The following MTFR1 variants were observed in gnomAD, a reference collection of about 807,000 sequenced individuals.
The protein encoded by MTFR1 is mitochondrial fission regulator 1.
MTFR1 carries 28 observed loss-of-function variants against 38.8 expected under a neutral mutation model. The ratio of observed to expected loss-of-function variants is 0.72; its 90% CI spans 0.53 to 0.99. The LOEUF is 0.99. Among genes scored for constraint, MTFR1 ranks in the 50% least tolerant of loss-of-function variants. The probability of loss-of-function intolerance (pLI) is 0.00; values close to 1 mark genes in which losing one functional copy is unlikely to be tolerated. For synonymous variants in MTFR1, 145 were observed against 137.0 expected, an observed-to-expected ratio of 1.06 and a Z score of -0.41; for missense variants, 358 against 395.5, an observed-to-expected ratio of 0.91 and a Z score of 0.81.
intron 3 of MTFR1, chr8:65,765,467 C>T (rs1359588072): frequency 1.9e-5 from 2 of 103,990 alleles, no homozygotes; most frequent in African/African-American, 7.7e-5. Flanking sequence ...CCAGCCTGGG[C>T]GACAGAGCGA....
At chr8:65,734,766 T>C in intron 3 of MTFR1, 1 of 1,252,374 alleles carries the variant, frequency 8.0e-7, no homozygotes, top group Non-Finnish European at 1.2e-6. Context: ...CTTATGATTT[T>C]CACCTGAAAT....
At chr8:65,742,028 T>A (rs1807459733) in intron 3 of MTFR1, among the ~76,000 whole-genome samples, 1 of 152,202 alleles carries the variant, frequency 6.6e-6, no homozygotes, top group South Asian at 2.1e-4. Context: ...AACTGAGGAT[T>A]ATAATACCAG....
intron 1 of MTFR1, among the ~76,000 whole-genome samples, chr8:65,650,627 A>C (rs1229472037): frequency 2.6e-5 from 4 of 152,204 alleles, no homozygotes; most frequent in African/African-American, 9.7e-5. Flanking sequence ...AAATGACAGG[A>C]TCCCATTCTT....
chr8:65,653,467 G>A (rs188171266), intron 1 of MTFR1, among the ~76,000 whole-genome samples: 164 of 152,200 alleles, frequency 1.1e-3, no homozygotes, highest in African/African-American at 3.1e-3. Context: ...AGCTGTTATC[G>A]TGCCACTGCA....
chr8:65,754,617 GAGCC>G (rs1209186917), intron 3 of MTFR1, among the ~76,000 whole-genome samples: 1 of 150,782 alleles, frequency 6.6e-6, no homozygotes, highest in Admixed American at 6.6e-5. Flanking sequence ...ATTACAGGCT[GAGCC>G]ACCATGCCCA....
At chr8:65,700,117 G>A (rs71529180) in intron 4 of MTFR1, among the ~76,000 whole-genome samples, 1 of 151,872 alleles carries the variant, frequency 6.6e-6, no homozygotes, top group Admixed American at 6.6e-5. Flanking sequence ...TTGGGAGGTC[G>A]AGGTGGGTGG....
intron 4 of MTFR1, among the ~76,000 whole-genome samples, chr8:65,696,000 T>C (rs1238802516): frequency 1.3e-5 from 2 of 151,996 alleles, no homozygotes; most frequent in Non-Finnish European, 2.9e-5. Context: ...GGAGAAGACC[T>C]GGTAGAGGGT....
chr8:65,734,875 G>C, intron 3 of MTFR1: 1 of 1,609,248 alleles, frequency 6.2e-7, no homozygotes, highest in Non-Finnish European at 8.5e-7. Flanking sequence ...TTTGACTGTG[G>C]TAATCTTCTT....
chr8:65,693,217 A>G (rs1475418725), intron 3 of MTFR1, among the ~76,000 whole-genome samples: 3 of 152,116 alleles, frequency 2.0e-5, no homozygotes, highest in South Asian at 2.1e-4. Context: ...CCTGGTCAAC[A>G]TGGTGAAACC....
intron 3 of MTFR1, among the ~76,000 whole-genome samples, chr8:65,726,190 A>G (rs1806600307): frequency 6.6e-6 from 1 of 152,156 alleles, no homozygotes; most frequent in Non-Finnish European, 1.5e-5. Context: ...GCTGACGTGC[A>G]TTTTCCCTCA....
At chr8:65,713,867 T>C (rs1806028165), downstream of MTFR1, among the ~76,000 whole-genome samples, 1 of 151,986 alleles carries the variant, frequency 6.6e-6, no homozygotes, top group Admixed American at 6.6e-5. Context: ...TATTTTTTTT[T>C]AGTAGAGATG....
At chr8:65,657,453 A>G (rs1453462849) in intron 1 of MTFR1, among the ~76,000 whole-genome samples, 1 of 152,092 alleles carries the variant, frequency 6.6e-6, no homozygotes, top group Non-Finnish European at 1.5e-5. Context: ...GGCTCATGCC[A>G]ATGTTTTGGG....
chr8:65,682,351 A>G lies in MTFR1; in HGVS notation c.67-2A>G. ...AGCTTTCGGTTTTTCCTACTTCCTCAGGTACTTTGGTCTAGGAAGCCATAT... is the reference window on the plus strand; with the variant it reads ...AGCTTTCGGTTTTTCCTACTTCCTCGGGTACTTTGGTCTAGGAAGCCATAT... On this transcript the variant is annotated splice_acceptor_variant, in intron 2 of 7. Transcript: ENST00000262146. LOFTEE classifies it high-confidence loss of function. 7 of 1,526,218 alleles carry G rather than the reference A, an allele frequency of 4.6e-6. No homozygotes were observed. Among genetic ancestry groups the G allele is most frequent in the East Asian group, 2.4e-5 (1 of 41,636 alleles). 94.5% of individuals were successfully genotyped at this position (1,526,218 alleles called of 1,614,324 possible).
intron 3 of MTFR1, among the ~76,000 whole-genome samples, chr8:65,755,166 G>A (rs1198397654): frequency 1.3e-5 from 2 of 149,672 alleles, no homozygotes; most frequent in Admixed American, 1.3e-4. Context: ...GACTATAGGT[G>A]CATGCCACCA....
downstream of MTFR1, among the ~76,000 whole-genome samples, chr8:65,712,763 CTG>C (rs910904527): frequency 2.0e-5 from 3 of 152,194 alleles, no homozygotes; most frequent in Admixed American, 6.5e-5. Context: ...TGAGAAATAA[CTG>C]TTGTTTATAA....
chr8:65,715,003 A>G (rs949028055), downstream of MTFR1, among the ~76,000 whole-genome samples: 1 of 152,118 alleles, frequency 6.6e-6, no homozygotes, highest in Non-Finnish European at 1.5e-5. Context: ...ACTTGTCAAA[A>G]TTTTCTCTCC....
At chr8:65,700,978 C>T (rs566618137) in intron 4 of MTFR1, among the ~76,000 whole-genome samples, 18 of 152,176 alleles carry the variant, frequency 1.2e-4, no homozygotes, top group Non-Finnish European at 2.4e-4. Flanking sequence ...CTTCCTCTGC[C>T]CTATGTTTAT....
intron 1 of MTFR1, among the ~76,000 whole-genome samples, chr8:65,663,822 C>CTTTTTTTTTTTTTTTTTTTTTTT (rs1035579864): frequency 6.4e-5 from 5 of 78,572 alleles, no homozygotes; most frequent in Admixed American, 3.2e-4. Flanking sequence ...AATTTCTTTT[C>CTTTTTTTTTTTTTTTTTTTTTTT]TTTTTTTTTT....
downstream of MTFR1, among the ~76,000 whole-genome samples, chr8:65,712,067 A>G (rs1805961307): frequency 6.6e-6 from 1 of 152,230 alleles, no homozygotes; most frequent in Non-Finnish European, 1.5e-5. Flanking sequence ...AACCAAAGGT[A>G]TAAAAACATT....
Sources: gnomAD v4.1 joint callset for allele counts (sites outside exome capture counted in the v4.1 genomes callset) on GRCh38, gnomAD v4.1.1 for gene constraint, MANE v1.5 for transcripts, NCBI Gene and HGNC (gene_info 2026-07-23, HGNC 2026-07-21) for gene names.